The following CEP43 variants were observed in gnomAD, a reference collection of about 807,000 sequenced individuals.
The protein encoded by CEP43 is FGFR1 oncogene partner.
Under a neutral mutation model 52.6 loss-of-function variants are expected in CEP43, and 36 were observed. The observed-to-expected ratio is 0.68, with a 90% CI of 0.52 to 0.90. The LOEUF (loss-of-function observed/expected upper bound fraction) is 0.90. Ranked by LOEUF, CEP43 falls within the 40% of genes least tolerant of loss-of-function variation. The pLI is 0.00. For missense variants in CEP43, 506 were observed against 472.8 expected (o/e 1.07, Z -0.65); for synonymous variants, 192 against 172.4 (o/e 1.11, Z -0.89).
intron 7 of CEP43, among the ~76,000 whole-genome samples, chr6:167,014,043 A>G (rs1187836856): frequency 6.6e-6 from 1 of 152,216 alleles, no homozygotes; most frequent in East Asian, 1.9e-4. Context: ...CCAGGTGAAA[A>G]TCATACTGTT....
chr6:167,052,206 T>C lies in CEP43; in HGVS notation c.*12228T>C, dbSNP rs1004580663. The C allele has an allele frequency of 2.0e-5, 3 of 152,260 alleles. No homozygotes were observed. The highest frequency in any genetic ancestry group is 7.2e-5 in the African/African-American group (3 of 41,474). The allele number at this position is 152,260 out of a possible 1,614,324, so 9.4% of individuals were successfully genotyped here. A position where few individuals can be genotyped will look rare whatever the true frequency, so the allele number is the denominator to read the frequency against. On this transcript the variant is annotated 3_prime_UTR_variant, in exon 13 of 13. Coordinates refer to ENST00000366847, the MANE Select transcript of CEP43 (RefSeq NM_007045.4). ...GAAACACATTTCTTCTTTATAGCTC[T>C]AGGTCCTCTTCACTTGTTTTTGTGC...
chr6:167,036,306 C>G (rs1195370229), intron 12 of CEP43: 1 of 985,328 alleles, frequency 1.0e-6, no homozygotes, highest in Non-Finnish European at 1.2e-6. Context: ...TCAGTGCTGC[C>G]CTGATTCCAG....
intron 2 of CEP43, 82 bp downstream of exon 2, chr6:167,000,195 T>A: frequency 4.5e-6 from 5 of 1,100,764 alleles, no homozygotes; most frequent in Non-Finnish European, 6.7e-6. Flanking sequence ...TAAAAATAGT[T>A]TATAGTAACA....
chr6:167,003,680 T>G, intron 3 of CEP43, 43 bp from the exon 4 acceptor site: 1 of 1,250,764 alleles, frequency 8.0e-7, no homozygotes, highest in Non-Finnish European at 1.2e-6. Flanking sequence ...AAAAATTCAG[T>G]TTTTGAAGAT....
At chr6:167,024,916 C>A in intron 9 of CEP43, 22 bp downstream of exon 9, 1 of 1,271,036 alleles carries the variant, frequency 7.9e-7, no homozygotes, top group Non-Finnish European at 1.1e-6. Context: ...AAGATGTGGA[C>A]TTCAATACTC....
Position 167,050,195 on chromosome 6 carries a change from C to T in CEP43, c.*10217C>T, listed in dbSNP as rs1012440931. ...CAAGGTCTGATGGTTTTATAAGCAT[C>T]TGGCATTTCCCCTGCTTGCACTCAG... On this transcript the variant is annotated 3_prime_UTR_variant, in exon 13 of 13. Transcript: ENST00000366847. 2.0e-5 allele frequency: 3 copies of T among 152,654 alleles called. No individual in the cohort carries two copies. Among genetic ancestry groups the T allele is most frequent in the African/African-American group, 7.2e-5 (3 of 41,438 alleles). The allele number at this position is 152,654 out of a possible 1,614,324, so 9.5% of individuals were successfully genotyped here.
At position 167,041,734 on chromosome 6, in the gene CEP43, C is replaced by G. The variant is rs533537063; in HGVS notation, c.*1756C>G. On this transcript the variant is annotated 3_prime_UTR_variant, in exon 13 of 13. Coordinates refer to ENST00000366847, the MANE Select transcript of CEP43 (RefSeq NM_007045.4). ...ACTGAAATTTGTCACTTTTCTGTTACGCAGAGAATCAGACCTTTTGATAAT... is the reference window on the plus strand; with the variant it reads ...ACTGAAATTTGTCACTTTTCTGTTAGGCAGAGAATCAGACCTTTTGATAAT... The G allele has an allele frequency of 6.1e-5, 62 of 1,023,172 alleles. No homozygotes were observed. Among genetic ancestry groups the G allele is most frequent in the Non-Finnish European group, 6.9e-5 (59 of 854,020 alleles). 63.4% of individuals were successfully genotyped at this position (1,023,172 alleles called of 1,614,324 possible). A position where few individuals can be genotyped will look rare whatever the true frequency, so the allele number is the denominator to read the frequency against.
At chr6:167,016,534 T>G (rs1187942552) in intron 7 of CEP43, among the ~76,000 whole-genome samples, 1 of 152,238 alleles carries the variant, frequency 6.6e-6, no homozygotes, top group Non-Finnish European at 1.5e-5. Flanking sequence ...AGTGCTGGGA[T>G]TACAGGCATG....
At chr6:167,024,274 C>T (rs1321660678) in intron 8 of CEP43, among the ~76,000 whole-genome samples, 1 of 152,120 alleles carries the variant, frequency 6.6e-6, no homozygotes, top group East Asian at 1.9e-4. Context: ...AGCATGAAAT[C>T]TTTCTATAAG....
rs1489748612 is a variant in CEP43 at position 167,041,118 on chromosome 6, C to G, written c.*1140C>G. ...ATTTCAATTAAGTTGCGGCTTTTTA[C>G]TACAAGTTAACTTTATTAGTAAAAG... On this transcript the variant is annotated 3_prime_UTR_variant, in exon 13 of 13. Coordinates refer to ENST00000366847, the MANE Select transcript of CEP43 (RefSeq NM_007045.4). 8 of 1,041,966 alleles carry G rather than the reference C, an allele frequency of 7.7e-6. No individual in the cohort carries two copies. The highest frequency in any genetic ancestry group is 4.4e-4 in the Middle Eastern group (1 of 2,268). The allele number at this position is 1,041,966 out of a possible 1,614,324, so 64.5% of individuals were successfully genotyped here.
rs73033013 is a variant in CEP43, at chr6:167,040,230, C to T, written c.*252C>T. 26,597 of 1,520,314 alleles carry T rather than the reference C, an allele frequency of 0.017. 393 individuals carry two copies. The highest frequency in any genetic ancestry group is 0.076 in the East Asian group (3,096 of 40,958). The allele number at this position is 1,520,314 out of a possible 1,614,324, so 94.2% of individuals were successfully genotyped here. On this transcript the variant is annotated 3_prime_UTR_variant, in exon 13 of 13. Coordinates refer to ENST00000366847, the MANE Select transcript of CEP43 (RefSeq NM_007045.4). ...TCTTTATGGAAATTGATTATCTACA[C>T]TCAGTTTCATTACAGGGAAGGAACC...
At chr6:167,028,930 G>T (rs1029118647) in intron 10 of CEP43, among the ~76,000 whole-genome samples, 9 of 152,126 alleles carry the variant, frequency 5.9e-5, no homozygotes, top group African/African-American at 2.2e-4. Context: ...TTAATTAAAG[G>T]TGCCCAAAAG....
At chr6:167,000,137 A>G in intron 2 of CEP43, 24 bp downstream of exon 2, 1 of 1,561,504 alleles carries the variant, frequency 6.4e-7, no homozygotes. Context: ...AGATTTTAAC[A>G]TGGCTGTATT....
chr6:167,004,148 G>T (rs146935481), intron 4 of CEP43, 116 bp from the exon 5 acceptor site: 7 of 1,117,152 alleles, frequency 6.3e-6, no homozygotes, highest in Non-Finnish European at 8.6e-6. Flanking sequence ...TCATTCATTA[G>T]TAAGACAGTC....
In CEP43 at chr6:167,041,844, G is replaced by GGGCCCCC; in HGVS notation, c.*1866_*1867insGGCCCCC. ...TCTTTTTTTTGCGGGGGGCGGGGGG[G>GGGCCCCC]ACAGAGTCTCACTGTGTCACTCAGA... On this transcript the variant is annotated 3_prime_UTR_variant, in exon 13 of 13. Transcript: ENST00000366847. 6.9e-6 allele frequency: 1 copy of GGGCCCCC among 144,934 alleles called. No individual in the cohort carries two copies. Among genetic ancestry groups the GGGCCCCC allele is most frequent in the Non-Finnish European group, 1.2e-5 (1 of 80,404 alleles). The allele number at this position is 144,934 out of a possible 1,614,324, so 9.0% of individuals were successfully genotyped here. A position where few individuals can be genotyped will look rare whatever the true frequency, so the allele number is the denominator to read the frequency against.
rs12528689 is a variant in CEP43 at position 167,048,258 on chromosome 6, A to G, written c.*8280A>G. On this transcript the variant is annotated 3_prime_UTR_variant, in exon 13 of 13. Transcript: ENST00000366847. ...AAAATATAAAAATTAGCTAGGCATC[A>G]TGGCCTGTGCCTGTAGTCCTAGCTA... 58,320 of 152,122 alleles carry G rather than the reference A, an allele frequency of 0.38. 11,258 individuals carry two copies. The highest frequency in any genetic ancestry group is 0.45 in the Middle Eastern group (131 of 292). 9.4% of individuals were successfully genotyped at this position (152,122 alleles called of 1,614,324 possible).
chr6:167,009,287 G>A (rs1190675857), intron 5 of CEP43, among the ~76,000 whole-genome samples: 2 of 151,070 alleles, frequency 1.3e-5, no homozygotes, highest in Non-Finnish European at 3.0e-5. Context: ...ACATTGGGAG[G>A]CTGAGGCGGG....
chr6:167,016,212 T>G (rs1780095202), intron 7 of CEP43, among the ~76,000 whole-genome samples: 1 of 152,244 alleles, frequency 6.6e-6, no homozygotes, highest in Non-Finnish European at 1.5e-5. Flanking sequence ...TATCATTATA[T>G]TAAATGTAAT....
intron 10 of CEP43, among the ~76,000 whole-genome samples, chr6:167,029,129 C>G (rs1046436372): frequency 6.6e-6 from 1 of 152,100 alleles, no homozygotes; most frequent in East Asian, 1.9e-4. Context: ...TCTTAGTTCA[C>G]AGGCTGAACA....
Sources: allele counts gnomAD v4.1 joint callset (sites outside exome capture counted in the v4.1 genomes callset), GRCh38; gene constraint gnomAD v4.1.1; transcripts MANE v1.5; gene names NCBI Gene and HGNC (gene_info 2026-07-23, HGNC 2026-07-21).